Variants in RAD54L2 observed in about 807,000 individuals in gnomAD.
RAD54L2 encodes RAD54 like 2, also known as helicase ARIP4.
In RAD54L2, 27 loss-of-function variants were observed where a neutral mutation model predicts 138.4. The observed-to-expected ratio is 0.20, with a 90% CI of 0.14 to 0.27. The LOEUF is 0.27. Among genes scored for constraint, RAD54L2 ranks in the 10% least tolerant of loss-of-function variants. RAD54L2 has a pLI of 1.00. For synonymous variants in RAD54L2, 644 were observed against 723.2 expected, an observed-to-expected ratio of 0.89 and a Z score of 1.76; for missense variants, 1,396 against 1,890.2, an observed-to-expected ratio of 0.74 and a Z score of 4.85.
At chr3:51,572,276 G>A (rs1197058655) in intron 2 of RAD54L2, among the ~76,000 whole-genome samples, 1 of 151,772 alleles carries the variant, frequency 6.6e-6, no homozygotes, top group Admixed American at 6.6e-5. Flanking sequence ...TGGTGAAAGC[G>A]CCCCCGTTTC....
intron 2 of RAD54L2, among the ~76,000 whole-genome samples, chr3:51,582,959 G>C (rs1318266700): frequency 2.0e-5 from 3 of 152,068 alleles, no homozygotes; most frequent in Non-Finnish European, 4.4e-5. Context: ...TAGAGACGGG[G>C]TTTCACCTTG....
chr3:51,622,945 A>G (rs1430889614), intron 3 of RAD54L2, among the ~76,000 whole-genome samples: 1 of 152,210 alleles, frequency 6.6e-6, no homozygotes, highest in Non-Finnish European at 1.5e-5. Context: ...AAGCGCCCCA[A>G]TGCCCAGCCA....
At chr3:51,632,365 C>T (rs1317422322) in intron 7 of RAD54L2, among the ~76,000 whole-genome samples, 1 of 152,144 alleles carries the variant, frequency 6.6e-6, no homozygotes, top group Non-Finnish European at 1.5e-5. Context: ...ACAATCTCGG[C>T]TCACTCCAAT....
rs1701143210 is a variant in RAD54L2, at chr3:51,641,803, A to G, written c.2286A>G (p.Val762=). The change falls in exon 15 of 23, where the codon GTA becomes GTG. Residue 762 remains valine, a synonymous_variant. Coordinates refer to ENST00000684192, the MANE Select transcript of RAD54L2 (RefSeq NM_015106.4). The part of the protein sequence containing the change: ...LIEEFLGKRE[V]PCPPGTEGQG... ...AGGAATTCCTTGGAAAACGAGAAGT[A>G]CCCTGTCCACCTGGTACCGAGGGGC... The G allele has an allele frequency of 1.2e-6, 2 of 1,600,902 alleles. No homozygotes were observed. Among genetic ancestry groups the G allele is most frequent in the African/African-American group, 2.7e-5 (2 of 74,742 alleles).
chr3:51,614,402 G>A (rs184776655), intron 3 of RAD54L2, among the ~76,000 whole-genome samples: 8 of 151,948 alleles, frequency 5.3e-5, no homozygotes, highest in Admixed American at 3.3e-4. Flanking sequence ...GACCTCAAGC[G>A]ATCTTTCTGC....
Position 51,665,980 on chromosome 3 carries a change from T to C in RAD54L2, c.*2560T>C, listed in dbSNP as rs549282296. 1 of 152,302 alleles carries C rather than the reference T, an allele frequency of 6.6e-6. No individual in the cohort carries two copies. The highest frequency in any genetic ancestry group is 2.1e-4 in the South Asian group (1 of 4,822). 9.4% of individuals were successfully genotyped at this position (152,302 alleles called of 1,614,324 possible). ...GTTGACAGAAAGTAAATGGGTATTC[T>C]GAGAGGCAGCACATGCCTACTGTCT... On this transcript the variant is annotated 3_prime_UTR_variant, in exon 23 of 23. Coordinates refer to ENST00000684192, the MANE Select transcript of RAD54L2 (RefSeq NM_015106.4).
At chr3:51,553,110 A>G (rs1245764304) in intron 2 of RAD54L2, among the ~76,000 whole-genome samples, 1 of 151,770 alleles carries the variant, frequency 6.6e-6, no homozygotes, top group East Asian at 1.9e-4. Context: ...AGGGAGTCTC[A>G]CTCTGTTGCC....
At chr3:51,642,145 T>C (rs1481763575) in intron 15 of RAD54L2, among the ~76,000 whole-genome samples, 1 of 152,182 alleles carries the variant, frequency 6.6e-6, no homozygotes, top group African/African-American at 2.4e-5. Flanking sequence ...TGCCCCTAAC[T>C]GGGGTTCTAA....
rs1699985200 is a variant in RAD54L2 at position 51,597,299 on chromosome 3, A to G, written c.139+6740A>G. 2.0e-5 allele frequency among the ~76,000 whole-genome samples: 3 copies of G among 152,042 alleles called. No individual in the cohort carries two copies. The South Asian group carries it at 6.2e-4, about 31-fold the overall frequency. On this transcript the variant is annotated intron_variant, in intron 3 of 22. Coordinates refer to ENST00000684192, the MANE Select transcript of RAD54L2 (RefSeq NM_015106.4). ...ATTATTCTAAGAATGACTGCTTGCC[A>G]AAGAGTTTTATTTCCAAACTTAGTT...
chr3:51,637,090 C>T lies in RAD54L2; in HGVS notation c.1340-71C>T. The T allele has an allele frequency of 3.0e-6, 4 of 1,326,566 alleles. No homozygotes were observed. Among genetic ancestry groups the T allele is most frequent in the East Asian group, 2.5e-5 (1 of 39,662 alleles). The allele number at this position is 1,326,566 out of a possible 1,614,324, so 82.2% of individuals were successfully genotyped here. A position where few individuals can be genotyped will look rare whatever the true frequency, so the allele number is the denominator to read the frequency against. On this transcript the variant is annotated intron_variant, in intron 10 of 22. Transcript: ENST00000684192. This position sits in a 1 kb window ranked among gnomAD's most constrained non-coding sequence, Gnocchi z 5.9. ...TCTTCTGTCTCCTCCAGGGTGCACC[C>T]CTACTTCTCATATTATTGACTAAGA... is the stretch of plus-strand genomic sequence containing the variant.
At chr3:51,566,471 T>G (rs1001486022) in intron 2 of RAD54L2, among the ~76,000 whole-genome samples, 1 of 126,530 alleles carries the variant, frequency 7.9e-6, no homozygotes, top group Non-Finnish European at 1.7e-5. Context: ...TCTGCGTTTT[T>G]TTTTTTTTTT....
intron 2 of RAD54L2, among the ~76,000 whole-genome samples, chr3:51,550,014 C>G (rs1009919229): frequency 6.6e-5 from 10 of 152,180 alleles, no homozygotes; most frequent in Admixed American, 5.2e-4. Flanking sequence ...GCCCTGCCGG[C>G]TATGCTAGTT....
intron 2 of RAD54L2, among the ~76,000 whole-genome samples, chr3:51,568,106 G>A (rs1394102718): frequency 2.0e-5 from 3 of 152,046 alleles, no homozygotes; most frequent in South Asian, 2.1e-4. Flanking sequence ...AAGTGGCTGC[G>A]GTGTGGGGCA....
intron 2 of RAD54L2, among the ~76,000 whole-genome samples, chr3:51,543,946 C>T (rs1383021514): frequency 1.3e-5 from 2 of 152,176 alleles, no homozygotes; most frequent in Non-Finnish European, 2.9e-5. Flanking sequence ...GAATGCCTCT[C>T]TTCTGTATGA....
chr3:51,609,974 TAA>T (rs35703301), intron 3 of RAD54L2, among the ~76,000 whole-genome samples: 24 of 148,976 alleles, frequency 1.6e-4, no homozygotes, highest in African/African-American at 1.5e-4. Flanking sequence ...GGATTTGGGG[TAA>T]AAAAAAAAAA....
At chr3:51,585,740 A>AT (rs1331073609) in intron 2 of RAD54L2, among the ~76,000 whole-genome samples, 1 of 152,262 alleles carries the variant, frequency 6.6e-6, no homozygotes, top group Non-Finnish European at 1.5e-5. Flanking sequence ...CTGTAGACTT[A>AT]TTAAAACACT....
At chr3:51,555,359 T>C (rs1698937096) in intron 2 of RAD54L2, among the ~76,000 whole-genome samples, 1 of 149,694 alleles carries the variant, frequency 6.7e-6, no homozygotes, top group Non-Finnish European at 1.5e-5. Context: ...ACACCTGTAA[T>C]CCCAGCACTC....
rs1010154802 is a variant in RAD54L2, at chr3:51,665,539, C to T, written c.*2119C>T. 1 of 152,220 alleles carries T rather than the reference C, an allele frequency of 6.6e-6. No individual in the cohort carries two copies. Among genetic ancestry groups the T allele is most frequent in the African/African-American group, 2.4e-5 (1 of 41,442 alleles). The allele number at this position is 152,220 out of a possible 1,614,324, so 9.4% of individuals were successfully genotyped here. On this transcript the variant is annotated 3_prime_UTR_variant, in exon 23 of 23. Coordinates refer to ENST00000684192, the MANE Select transcript of RAD54L2 (RefSeq NM_015106.4). Reference sequence around the variant, plus strand: ...CTGCCAGACACTTAACTCTTCTACTCATGGAAGCCTTAGATCTACAATTTA... The same window carrying T: ...CTGCCAGACACTTAACTCTTCTACTTATGGAAGCCTTAGATCTACAATTTA...
At chr3:51,614,295 A>G (rs1700396537) in intron 3 of RAD54L2, among the ~76,000 whole-genome samples, 1 of 151,850 alleles carries the variant, frequency 6.6e-6, no homozygotes, top group Admixed American at 6.6e-5. Flanking sequence ...CCAAGTAGCT[A>G]TGACTATAGG....
Sources: allele counts gnomAD v4.1 joint callset (sites outside exome capture counted in the v4.1 genomes callset), GRCh38; gene constraint gnomAD v4.1.1; non-coding constraint Gnocchi (gnomAD v3.1); transcripts MANE v1.5; gene names NCBI Gene and HGNC (gene_info 2026-07-23, HGNC 2026-07-21).